FAM135B: variants seen among roughly 807,000 people sequenced by gnomAD.
FAM135B encodes protein FAM135B.
In FAM135B, 43 loss-of-function variants were observed where a neutral mutation model predicts 127.7. The observed-to-expected ratio is 0.34, with a 90% CI of 0.26 to 0.43. The LOEUF is 0.43. FAM135B is among the 20% of genes least tolerant of loss of function. The pLI, the probability that FAM135B is intolerant of heterozygous loss-of-function variation, is 1.00. For synonymous variants in FAM135B, 670 were observed against 665.1 expected, an observed-to-expected ratio of 1.01 and a Z score of -0.11; for missense variants, 1,558 against 1,725.6, an observed-to-expected ratio of 0.90 and a Z score of 1.72.
rs1475744962 is a variant in FAM135B at position 138,138,982 on chromosome 8, T to G, written c.3901+4A>C. 1.3e-6 allele frequency: 2 copies of G among 1,587,948 alleles called. No homozygotes were observed. Among genetic ancestry groups the G allele is most frequent in the Admixed American group, 3.3e-5 (2 of 59,944 alleles). ...TAACTGCAGCTGTGGGGGAAACCAC[T>G]GACCTGTTTTTTGGCTTAGTTGGTA... On this transcript the variant is annotated splice_donor_region_variant and intron_variant, in intron 18 of 19. Transcript: ENST00000395297.
chr8:138,273,898 C>T (rs919711093), intron 3 of FAM135B, among the ~76,000 whole-genome samples: 3 of 152,120 alleles, frequency 2.0e-5, no homozygotes, highest in Non-Finnish European at 2.9e-5. Flanking sequence ...ATTTCCAAGG[C>T]TTTCAAGGCT....
At position 138,248,686 on chromosome 8, in the gene FAM135B, G is replaced by A. The variant is rs577411611; in HGVS notation, c.542+2155C>T. Among the ~76,000 whole-genome samples the A allele has an allele frequency of 4.6e-5, 7 of 151,998 alleles. No individual in the cohort carries two copies. In the South Asian group the frequency reaches 1.5e-3, roughly 32 times the overall value. Reference sequence around the variant, plus strand: ...AATACAAAAATTAGCCAAGCATGACGGCTCCTGCCTGTAGTCCCAGCTACT... The same window carrying A: ...AATACAAAAATTAGCCAAGCATGACAGCTCCTGCCTGTAGTCCCAGCTACT... On this transcript the variant is annotated intron_variant, in intron 6 of 19. Coordinates refer to ENST00000395297, the MANE Select transcript of FAM135B (RefSeq NM_015912.4).
chr8:138,385,397 A>G (rs1327525636), intron 1 of FAM135B, among the ~76,000 whole-genome samples: 2 of 152,188 alleles, frequency 1.3e-5, no homozygotes, highest in Non-Finnish European at 2.9e-5. Flanking sequence ...GGGACAGCAC[A>G]GGGCTCAACC....
chr8:138,299,907 T>C (rs1478100453), intron 3 of FAM135B, among the ~76,000 whole-genome samples: 1 of 152,154 alleles, frequency 6.6e-6, no homozygotes, highest in Non-Finnish European at 1.5e-5. Context: ...ATAATTAAAA[T>C]TGGTATATTT....
intron 7 of FAM135B, among the ~76,000 whole-genome samples, chr8:138,216,718 T>G (rs1818575340): frequency 6.6e-6 from 1 of 152,200 alleles, no homozygotes; most frequent in Admixed American, 6.5e-5. Flanking sequence ...TAAGAGCCAG[T>G]GATGGGTTGC....
rs144698353 is a variant in FAM135B, at chr8:138,386,915, C to A, written c.-19-18913G>T. 1.6e-3 allele frequency among the ~76,000 whole-genome samples: 241 copies of A among 152,186 alleles called. 1 individual carries two copies. Among genetic ancestry groups the A allele is most frequent in the African/African-American group, 5.5e-3 (229 of 41,536 alleles). On this transcript the variant is annotated intron_variant, in intron 1 of 19. Transcript: ENST00000395297. ...GAAGTATGACGAGATAATGATCATA[C>A]ACTACAATGAGTGCTATATGGTGCC...
chr8:138,162,041 C>T (rs1819456388), intron 12 of FAM135B, among the ~76,000 whole-genome samples: 1 of 152,140 alleles, frequency 6.6e-6, no homozygotes, highest in Non-Finnish European at 1.5e-5. Flanking sequence ...AAAAAATTTG[C>T]TTCAATATCA....
chr8:138,166,581 C>T (rs1187084760), intron 12 of FAM135B, among the ~76,000 whole-genome samples: 1 of 152,138 alleles, frequency 6.6e-6, no homozygotes, highest in Admixed American at 6.5e-5. Flanking sequence ...ACCAGTTTTA[C>T]CATAGGCTAA....
Position 138,141,193 on chromosome 8 carries a change from C to A in FAM135B, c.3790+5G>T. The stretch of plus-strand genomic sequence containing the variant: ...GAGGAATGACGAGTCCTAGAAGAAT[C>A]TTACCTGTACTAACCAGGGTGCTGT... On this transcript the variant is annotated splice_donor_5th_base_variant and intron_variant, in intron 17 of 19. Coordinates refer to ENST00000395297, the MANE Select transcript of FAM135B (RefSeq NM_015912.4). The surrounding 1 kb of genome is among the most constrained non-coding windows in gnomAD (Gnocchi z 4.7). 5 of 1,613,878 alleles carry A rather than the reference C, an allele frequency of 3.1e-6. No homozygotes were observed. Among genetic ancestry groups the A allele is most frequent in the Non-Finnish European group, 3.4e-6 (4 of 1,179,900 alleles).
chr8:138,389,405 A>G (rs750842254), intron 1 of FAM135B, among the ~76,000 whole-genome samples: 8 of 152,254 alleles, frequency 5.3e-5, no homozygotes, highest in Non-Finnish European at 8.8e-5. Context: ...GGCAGAAATG[A>G]AGGAAATGGC....
intron 1 of FAM135B, among the ~76,000 whole-genome samples, chr8:138,391,670 T>C (rs1341147245): frequency 6.6e-6 from 1 of 152,230 alleles, no homozygotes. Flanking sequence ...ATTCTTGTAC[T>C]GTAATGATCA....
chr8:138,203,987 C>A (rs4909752), intron 7 of FAM135B, among the ~76,000 whole-genome samples: 109,238 of 151,940 alleles, frequency 0.72, 39,485 homozygotes, highest in East Asian at 0.82. Flanking sequence ...CACCACTGAC[C>A]TGACAGGATG....
At chr8:138,298,917 C>A (rs1422616314) in intron 3 of FAM135B, among the ~76,000 whole-genome samples, 1 of 151,760 alleles carries the variant, frequency 6.6e-6, no homozygotes, top group Non-Finnish European at 1.5e-5. Flanking sequence ...TCCCTTAGAG[C>A]CATTTCAAAA....
rs2130765373 is a variant in FAM135B, at chr8:138,152,332, G to A, written c.2143C>T (p.His715Tyr). Residue 715 changes from histidine to tyrosine, a missense_variant, in exon 13 of 20, where the codon CAC becomes TAC. This residue lies in a region of FAM135B where 923 missense variants were observed against 865.3 expected (regional missense o/e 1.07). Coordinates refer to ENST00000395297, the MANE Select transcript of FAM135B (RefSeq NM_015912.4). ...AGGGCATGTCTTCGAACAAACGGGT[G>A]CAAGACTTCCCGATCACTGGGCAAC... ...LELPSDREVLHPFVRRHALHR... is the reference protein window; with the variant it reads ...LELPSDREVLYPFVRRHALHR... 1.2e-6 allele frequency: 2 copies of A among 1,614,182 alleles called. No homozygotes were observed. Among genetic ancestry groups the A allele is most frequent in the South Asian group, 2.2e-5 (2 of 91,086 alleles).
chr8:138,278,970 CAT>C (rs1824055423), intron 3 of FAM135B, among the ~76,000 whole-genome samples: 1 of 152,082 alleles, frequency 6.6e-6, no homozygotes, highest in African/African-American at 2.4e-5. Flanking sequence ...GGTCCTGGCT[CAT>C]AGTGATTTCC....
chr8:138,315,460 C>A (rs530302613), intron 2 of FAM135B, among the ~76,000 whole-genome samples: 1 of 152,250 alleles, frequency 6.6e-6, no homozygotes, highest in African/African-American at 2.4e-5. Flanking sequence ...CCAGAAACCC[C>A]CTCTGCTCAT....
At chr8:138,217,533 C>T (rs2129972646) in intron 7 of FAM135B, among the ~76,000 whole-genome samples, 1 of 151,212 alleles carries the variant, frequency 6.6e-6, no homozygotes, top group Admixed American at 6.6e-5. Context: ...CAGGTTCACA[C>T]CATTCTCCTG....
At chr8:138,303,350 C>T (rs1157714749) in intron 3 of FAM135B, among the ~76,000 whole-genome samples, 1 of 152,200 alleles carries the variant, frequency 6.6e-6, no homozygotes, top group Non-Finnish European at 1.5e-5. Flanking sequence ...AAACCAAACA[C>T]TGCATGCTCT....
intron 1 of FAM135B, among the ~76,000 whole-genome samples, chr8:138,451,625 G>C (rs1236985560): frequency 6.6e-6 from 1 of 152,136 alleles, no homozygotes. Context: ...TTCAGTACAA[G>C]GGCAACTAAC....
Sources: gnomAD v4.1 joint callset for allele counts (sites outside exome capture counted in the v4.1 genomes callset) on GRCh38, gnomAD v4.1.1 for gene constraint, gnomAD v4.1.1 regional missense constraint, Gnocchi (gnomAD v3.1) non-coding constraint, MANE v1.5 for transcripts, NCBI Gene and HGNC (gene_info 2026-07-23, HGNC 2026-07-21) for gene names.